The following ANKRD27 variants were observed in gnomAD, a reference collection of about 807,000 sequenced individuals.
ANKRD27 encodes the protein ankyrin repeat domain 27, also known as ankyrin repeat domain-containing protein 27.
A neutral mutation model predicts 129.7 loss-of-function variants in ANKRD27; 112 were observed. The observed-to-expected ratio is 0.86, with a 90% CI of 0.74 to 1.01. ANKRD27 has a LOEUF of 1.01. ANKRD27 is among the 50% of genes least tolerant of loss of function. The pLI, the probability that ANKRD27 is intolerant of heterozygous loss-of-function variation, is 0.00. For synonymous variants in ANKRD27, 516 were observed against 511.2 expected, an observed-to-expected ratio of 1.01 and a Z score of -0.13; for missense variants, 1,258 against 1,300.5, an observed-to-expected ratio of 0.97 and a Z score of 0.50.
In ANKRD27 at chr19:32,643,575, G is replaced by A. The variant is rs952156114; in HGVS notation, c.582C>T (p.His194=). 1 of 1,613,886 alleles carries A rather than the reference G, an allele frequency of 6.2e-7. No individual in the cohort carries two copies. Among genetic ancestry groups the A allele is most frequent in the Non-Finnish European group, 8.5e-7 (1 of 1,180,012 alleles). ...TCTCAGAAGTCCTGCTGCTTACCAG[G>A]TGAGAGTCCCTCAGAAGCTGCTGGA... ...KCLQQLLRDS[H]LKMLAKQEAQ... The change falls in exon 6 of 29, where the codon CAC becomes CAT. Residue 194 remains histidine (H), a synonymous_variant. Coordinates refer to ENST00000306065, the MANE Select transcript of ANKRD27 (RefSeq NM_032139.3).
intron 10 of ANKRD27, 116 bp from the exon 11 acceptor site, chr19:32,640,501 TG>T: frequency 2.4e-6 from 2 of 819,374 alleles, no homozygotes; most frequent in South Asian, 1.5e-5. Context: ...GATCATACAC[TG>T]GGGGAGAAAT....
At chr19:32,599,594 G>T in intron 28 of ANKRD27, 110 bp downstream of exon 28, 1 of 946,814 alleles carries the variant, frequency 1.1e-6, no homozygotes, top group South Asian at 1.6e-5. Context: ...AACTCATACG[G>T]CGCACGGAAT....
At chr19:32,646,843 T>A (rs1156430936) in intron 3 of ANKRD27, among the ~76,000 whole-genome samples, 1 of 152,206 alleles carries the variant, frequency 6.6e-6, no homozygotes, top group Non-Finnish European at 1.5e-5. Context: ...TATTTTCTTT[T>A]GAGACAGAGT....
rs1193953606 is a variant in ANKRD27 at position 32,635,666 on chromosome 19, G to A, written c.1116+3690C>T. Among the ~76,000 whole-genome samples the A allele has an allele frequency of 2.6e-5, 4 of 152,062 alleles. No homozygotes were observed. The South Asian group carries it at 8.3e-4, about 32-fold the overall frequency. On this transcript the variant is annotated intron_variant, in intron 12 of 28. Transcript: ENST00000306065. ...AAATATGGAAACAAGGCAGAAGAAA[G>A]AAACTTTTCAGAAGAGCCACAGCCA...
chr19:32,658,501 G>A (rs571805884), intron 2 of ANKRD27, among the ~76,000 whole-genome samples: 5 of 152,250 alleles, frequency 3.3e-5, no homozygotes, highest in African/African-American at 1.2e-4. Context: ...GTGTTTACTC[G>A]GTCCCTTATT....
At chr19:32,619,029 T>A (rs1273835067) in intron 20 of ANKRD27, among the ~76,000 whole-genome samples, 1 of 152,210 alleles carries the variant, frequency 6.6e-6, no homozygotes, top group African/African-American at 2.4e-5. Flanking sequence ...CCACACTAAT[T>A]GCTGCTCAGG....
intron 2 of ANKRD27, among the ~76,000 whole-genome samples, chr19:32,654,804 T>C (rs560806106): frequency 1.3e-5 from 2 of 152,138 alleles, no homozygotes; most frequent in Admixed American, 6.6e-5. Context: ...TTTTTTGAGA[T>C]AGAGTCTTGC....
intron 2 of ANKRD27, among the ~76,000 whole-genome samples, chr19:32,656,285 A>G (rs982865348): frequency 2.0e-5 from 3 of 152,180 alleles, no homozygotes; most frequent in Non-Finnish European, 4.4e-5. Context: ...GAAAATATGC[A>G]CTTGTCTAGA....
At chr19:32,651,830 G>A (rs1967422124) in intron 2 of ANKRD27, among the ~76,000 whole-genome samples, 2 of 152,206 alleles carry the variant, frequency 1.3e-5, no homozygotes, top group African/African-American at 4.8e-5. Flanking sequence ...TGGACACGAG[G>A]CAGGTGCCCA....
At chr19:32,636,534 G>A (rs1205948202) in intron 12 of ANKRD27, 1 of 151,306 alleles carries the variant, frequency 6.6e-6, no homozygotes, top group Non-Finnish European at 1.5e-5. Context: ...AATTGTGTAT[G>A]CACAGAAAAA....
chr19:32,616,706 A>G (rs1244691883), intron 21 of ANKRD27, among the ~76,000 whole-genome samples: 3 of 152,118 alleles, frequency 2.0e-5, no homozygotes, highest in Admixed American at 2.0e-4. Flanking sequence ...GCCTTCCTTC[A>G]AGCCACGACA....
Position 32,607,607 on chromosome 19 carries a change from T to C in ANKRD27, c.2373+28A>G, listed in dbSNP as rs368538454. The C allele has an allele frequency of 1.5e-4, 234 of 1,605,320 alleles. No homozygotes were observed. The highest frequency in any genetic ancestry group is 1.9e-4 in the Non-Finnish European group (225 of 1,177,090). ...TCCTAGCCCAAAGCAGACACCCTGC[T>C]CCACCACCCCCAACACACAGCCCGA... On this transcript the variant is annotated intron_variant, in intron 23 of 28. Transcript: ENST00000306065.
rs574635498 is a variant in ANKRD27 at position 32,620,075 on chromosome 19, C to G, written c.1828-522G>C. 1.4e-4 allele frequency among the ~76,000 whole-genome samples: 21 copies of G among 152,190 alleles called. No homozygotes were observed. In the East Asian group the frequency reaches 4.1e-3, roughly 29 times the overall value. On this transcript the variant is annotated intron_variant, in intron 18 of 28. Coordinates refer to ENST00000306065, the MANE Select transcript of ANKRD27 (RefSeq NM_032139.3). ...CTCCTCCCAAGACATCCCAGCAGCC[C>G]CAGCCGTGGTGGCACTGCTCAGCCC...
intron 22 of ANKRD27, among the ~76,000 whole-genome samples, chr19:32,615,273 C>A (rs1283857960): frequency 6.6e-6 from 1 of 152,198 alleles, no homozygotes; most frequent in Non-Finnish European, 1.5e-5. Flanking sequence ...AAATCGAGAA[C>A]TTTCCTGAGG....
At position 32,619,561 on chromosome 19, in the gene ANKRD27, G is replaced by T; in HGVS notation, c.1828-8C>A. On this transcript the variant is annotated splice_polypyrimidine_tract_variant and splice_region_variant and intron_variant, in intron 18 of 28. Transcript: ENST00000306065. ...TTCCATTACAGACAGAATCTAGGGG[G>T]ACAAGGGGGATGCCAACAGTACCCC... 2 of 1,614,070 alleles carry T rather than the reference G, an allele frequency of 1.2e-6. No individual in the cohort carries two copies. The highest frequency in any genetic ancestry group is 1.7e-6 in the Non-Finnish European group (2 of 1,180,010).
chr19:32,640,493 T>C, intron 10 of ANKRD27, 108 bp from the exon 11 acceptor site: 1 of 868,088 alleles, frequency 1.2e-6, no homozygotes, highest in Non-Finnish European at 1.9e-6. Context: ...ATCAGGGAGA[T>C]CATACACTGG....
Position 32,619,496 on chromosome 19 carries a change from C to T in ANKRD27, c.1885G>A (p.Glu629Lys), listed in dbSNP as rs751410255. 3.9e-5 allele frequency: 63 copies of T among 1,613,992 alleles called. No individual in the cohort carries two copies. Among genetic ancestry groups the T allele is most frequent in the Non-Finnish European group, 4.7e-5 (56 of 1,180,030 alleles). ...LSFERRQKSS[E>K]APVQSPQRSV... ...CCTGCTCAGCCCGGCTGACTTACCT[C>T]GGACGACTTCTGCCTCCTCTCGAAG... The change falls in exon 19 of 29, where the codon GAG (glutamate) becomes AAG (lysine). Residue 629 changes from glutamate (E) to lysine (K), a missense_variant and splice_region_variant. Coordinates refer to ENST00000306065, the MANE Select transcript of ANKRD27 (RefSeq NM_032139.3).
intron 18 of ANKRD27, among the ~76,000 whole-genome samples, chr19:32,620,256 T>A (rs596394): frequency 0.74 from 109,178 of 148,054 alleles, 40,305 homozygotes; most frequent in African/African-American, 0.84. Context: ...CAAAATAATT[T>A]AAAAAAAAAA....
intron 17 of ANKRD27, among the ~76,000 whole-genome samples, chr19:32,625,085 G>A (rs929778498): frequency 2.0e-5 from 3 of 151,782 alleles, no homozygotes; most frequent in African/African-American, 2.4e-5. Flanking sequence ...GTGAAACCCC[G>A]ACTTTACTAA....
Sources: allele counts gnomAD v4.1 joint callset (sites outside exome capture counted in the v4.1 genomes callset), GRCh38; gene constraint gnomAD v4.1.1; transcripts MANE v1.5; gene names NCBI Gene and HGNC (gene_info 2026-07-23, HGNC 2026-07-21).